Variants in GRIA1 observed in about 807,000 individuals in gnomAD.
GRIA1 encodes the protein glutamate receptor 1.
In GRIA1, 31 loss-of-function variants were observed where a neutral mutation model predicts 99.2. The observed-to-expected ratio is 0.31, with a 90% confidence interval of 0.23 to 0.42. The LOEUF (loss-of-function observed/expected upper bound fraction) is 0.42. GRIA1 is among the 10% of genes least tolerant of loss of function. GRIA1 has a pLI of 1.00. For missense variants in GRIA1, 782 were observed against 1,157.5 expected, an observed-to-expected ratio of 0.68 and a Z score of 4.71; for synonymous variants, 438 against 432.4, an observed-to-expected ratio of 1.01 and a Z score of -0.16.
rs1763794549 is a variant in GRIA1, at chr5:153,770,366, T to C, written c.2221T>C (p.Leu741=). 2 of 1,613,820 alleles carry C rather than the reference T, an allele frequency of 1.2e-6. No individual in the cohort carries two copies. The highest frequency in any genetic ancestry group is 1.7e-5 in the Admixed American group (1 of 59,982). Residue 741 remains leucine (L), a synonymous_variant, in exon 13 of 16, where the codon TTG becomes CTG. Transcript: ENST00000285900. ...TGACACCATGAAGGTGGGAGGTAACTTGGATTCCAAAGGCTATGGCATTGC... is the reference window on the plus strand; with the variant it reads ...TGACACCATGAAGGTGGGAGGTAACCTGGATTCCAAAGGCTATGGCATTGC... The part of the protein sequence containing the change: ...PCDTMKVGGN[L]DSKGYGIATP...
Position 153,781,696 on chromosome 5 carries a change from A to T in GRIA1, c.2270+11281A>T, listed in dbSNP as rs556118529. ...CTAGTCCTACTATATAGACCACATA[A>T]CACAAATTAAACCAACTGACAACTT... On this transcript the variant is annotated intron_variant, in intron 13 of 15. Coordinates refer to ENST00000285900, the MANE Select transcript of GRIA1 (RefSeq NM_000827.4). 2.7e-5 allele frequency among the ~76,000 whole-genome samples: 4 copies of T among 149,918 alleles called. No individual in the cohort carries two copies. In the South Asian group the frequency reaches 8.8e-4, roughly 33 times the overall value.
intron 11 of GRIA1, among the ~76,000 whole-genome samples, chr5:153,721,041 G>A (rs528946595): frequency 1.1e-4 from 17 of 152,156 alleles, no homozygotes; most frequent in African/African-American, 2.9e-4. Context: ...CATCTGACTC[G>A]GATGGGAAAA....
At chr5:153,683,418 G>A (rs1040741856) in intron 7 of GRIA1, among the ~76,000 whole-genome samples, 4 of 152,044 alleles carry the variant, frequency 2.6e-5, no homozygotes, top group Admixed American at 6.6e-5. Context: ...GAATCCTGGA[G>A]TCAAGCGCCA....
chr5:153,506,378 C>T (rs1021705067), intron 2 of GRIA1, among the ~76,000 whole-genome samples: 4 of 147,268 alleles, frequency 2.7e-5, no homozygotes, highest in African/African-American at 7.8e-5. Flanking sequence ...TATATTCATT[C>T]TTTCACAGAG....
chr5:153,521,669 G>C (rs1308944237), intron 2 of GRIA1, among the ~76,000 whole-genome samples: 1 of 152,130 alleles, frequency 6.6e-6, no homozygotes, highest in Non-Finnish European at 1.5e-5. Context: ...TGTAGCTCTG[G>C]TGGTTGAAGC....
In GRIA1 at chr5:153,625,740, T is replaced by C. The variant is rs190652299; in HGVS notation, c.221-21188T>C. On this transcript the variant is annotated intron_variant, in intron 2 of 15. Transcript: ENST00000285900. The stretch of plus-strand genomic sequence containing the variant: ...AAGAGAAAATTCAAACAGGATCCAG[T>C]GAAGTTTCTATAGCAACATTTACTG... Among the ~76,000 whole-genome samples the C allele has an allele frequency of 5.0e-4, 76 of 152,364 alleles. No individual in the cohort carries two copies. In the East Asian group the frequency reaches 0.012, roughly 24 times the overall value.
At chr5:153,754,619 A>G (rs1403913989) in intron 11 of GRIA1, among the ~76,000 whole-genome samples, 1 of 152,134 alleles carries the variant, frequency 6.6e-6, no homozygotes, top group Non-Finnish European at 1.5e-5. Flanking sequence ...GATGTTAGAA[A>G]AGGAGGCAGC....
chr5:153,726,576 A>G (rs989424385), intron 11 of GRIA1, among the ~76,000 whole-genome samples: 17 of 152,176 alleles, frequency 1.1e-4, no homozygotes, highest in African/African-American at 3.9e-4. Flanking sequence ...CCAATCCCAC[A>G]GAAATACAAA....
chr5:153,633,556 G>A (rs186637115), intron 2 of GRIA1, among the ~76,000 whole-genome samples: 126 of 152,310 alleles, frequency 8.3e-4, no homozygotes, highest in Admixed American at 2.9e-3. Flanking sequence ...AAATTGTCCA[G>A]GAGGCCTGAG....
intron 2 of GRIA1, among the ~76,000 whole-genome samples, chr5:153,644,722 A>T (rs534548099): frequency 6.6e-6 from 1 of 152,136 alleles, no homozygotes; most frequent in African/African-American, 2.4e-5. Flanking sequence ...ATGAAGCAAG[A>T]TCTATACAGA....
In GRIA1 at chr5:153,742,376, ACTTATT is replaced by A. The variant is rs532295081; in HGVS notation, c.1824-22050_1824-22045del. On this transcript the variant is annotated intron_variant, in intron 11 of 15. Transcript: ENST00000285900. ...TCGCTGTCCTGTGTGACTTACCTGT[ACTTATT>A]CTTATTCATTTTCCATCACTGCCAT... Among the ~76,000 whole-genome samples, 427 of 152,284 alleles carry A rather than the reference ACTTATT, an allele frequency of 2.8e-3. 4 individuals are homozygous for A. Among genetic ancestry groups the A allele is most frequent in the African/African-American group, 1.0e-2 (414 of 41,556 alleles).
intron 11 of GRIA1, among the ~76,000 whole-genome samples, chr5:153,748,728 C>T (rs1000430187): frequency 2.0e-5 from 3 of 151,916 alleles, no homozygotes; most frequent in Non-Finnish European, 4.4e-5. Context: ...AGAAATGACT[C>T]CCTGGTGTTA....
intron 2 of GRIA1, among the ~76,000 whole-genome samples, chr5:153,592,338 G>C (rs1441588016): frequency 6.6e-6 from 1 of 152,250 alleles, no homozygotes; most frequent in East Asian, 1.9e-4. Context: ...ACTACTTCCA[G>C]CTTCCTCTAG....
At chr5:153,700,411 G>C (rs1019793585) in intron 10 of GRIA1, among the ~76,000 whole-genome samples, 1 of 152,048 alleles carries the variant, frequency 6.6e-6, no homozygotes, top group African/African-American at 2.4e-5. Context: ...AAACATATGA[G>C]AGAAAAGCAG....
At chr5:153,706,693 C>T (rs971311860) in intron 11 of GRIA1, among the ~76,000 whole-genome samples, 5 of 152,084 alleles carry the variant, frequency 3.3e-5, no homozygotes, top group African/African-American at 9.7e-5. Context: ...TAGATGTTGG[C>T]GTCTTCATCT....
chr5:153,678,705 C>G (rs1427999268), intron 7 of GRIA1, among the ~76,000 whole-genome samples: 1 of 152,212 alleles, frequency 6.6e-6, no homozygotes, highest in Admixed American at 6.5e-5. Flanking sequence ...AACTCCCTTG[C>G]CTCTCCCATC....
chr5:153,536,631 T>C (rs918786394), intron 2 of GRIA1, among the ~76,000 whole-genome samples: 1 of 152,194 alleles, frequency 6.6e-6, no homozygotes, highest in African/African-American at 2.4e-5. Flanking sequence ...TCTTTGGAAA[T>C]AGCTTTTGGA....
Position 153,650,450 on chromosome 5 carries a change from A to G in GRIA1, c.581A>G (p.Lys194Arg), listed in dbSNP as rs1157490495. Reference protein sequence around the residue: ...GYRMLFQDLEKKKERLVVVDC... With the variant: ...GYRMLFQDLERKKERLVVVDC... ...CGGATGCTCTTTCAGGACCTGGAGA[A>G]GAAAAAGGAGCGGCTGGTGGTGGTG... The change falls in exon 4 of 16, where the codon AAG (lysine) becomes AGG (arginine). Residue 194 changes from lysine (K) to arginine (R), a missense_variant. Physicochemically the swap from Lys to Arg is conservative, Grantham distance 26. Transcript: ENST00000285900. 1.9e-6 allele frequency: 3 copies of G among 1,614,050 alleles called. No individual in the cohort carries two copies. Among genetic ancestry groups the G allele is most frequent in the East Asian group, 2.2e-5 (1 of 44,874 alleles).
At chr5:153,699,277 A>T (rs545819919) in intron 10 of GRIA1, among the ~76,000 whole-genome samples, 21 of 152,242 alleles carry the variant, frequency 1.4e-4, no homozygotes, top group Non-Finnish European at 2.8e-4. Flanking sequence ...CCTCAATCCC[A>T]CTCAGAGTCT....
Sources: gnomAD v4.1 joint callset for allele counts (sites outside exome capture counted in the v4.1 genomes callset) on GRCh38, gnomAD v4.1.1 for gene constraint, MANE v1.5 for transcripts, NCBI Gene and HGNC (gene_info 2026-07-23, HGNC 2026-07-21) for gene names.